HHAT: variants seen among roughly 807,000 people sequenced by gnomAD.
The protein encoded by HHAT is protein-cysteine N-palmitoyltransferase HHAT.
A neutral mutation model predicts 70.8 loss-of-function variants in HHAT; 47 were observed. The ratio of observed to expected loss-of-function variants is 0.66; its 90% CI spans 0.53 to 0.85. The LOEUF is 0.85. Ranked by LOEUF, HHAT falls within the 40% of genes least tolerant of loss-of-function variation. The probability of loss-of-function intolerance (pLI) is 0.00; values close to 1 mark genes in which losing one functional copy is unlikely to be tolerated. For synonymous variants in HHAT, 228 were observed against 247.6 expected (o/e 0.92, Z 0.74); for missense variants, 609 against 604.8 (o/e 1.01, Z -0.07).
intron 9 of HHAT, among the ~76,000 whole-genome samples, chr1:210,573,964 A>T (rs1358008502): frequency 1.3e-5 from 2 of 152,234 alleles, no homozygotes; most frequent in African/African-American, 4.8e-5. Flanking sequence ...GAAATTCGCC[A>T]GGATTTATTG....
chr1:210,340,295 G>A (rs2085928224), intron 1 of HHAT, among the ~76,000 whole-genome samples: 1 of 142,990 alleles, frequency 7.0e-6, no homozygotes, highest in South Asian at 2.4e-4. Flanking sequence ...GGAGAGAATT[G>A]TGATATGGGA....
intron 3 of HHAT, among the ~76,000 whole-genome samples, chr1:210,379,528 G>A (rs546289678): frequency 5.3e-5 from 8 of 152,160 alleles, no homozygotes; most frequent in Non-Finnish European, 7.3e-5. Context: ...TTTGTTAACC[G>A]TGGGCTCACT....
chr1:210,419,441 A>G (rs2092826630), intron 7 of HHAT, among the ~76,000 whole-genome samples: 1 of 152,038 alleles, frequency 6.6e-6, no homozygotes, highest in South Asian at 2.1e-4. Context: ...TCTGAATAAA[A>G]TCTCTTCACT....
intron 7 of HHAT, among the ~76,000 whole-genome samples, chr1:210,432,775 C>A (rs1457743309): frequency 6.6e-6 from 1 of 151,738 alleles, no homozygotes; most frequent in Non-Finnish European, 1.5e-5. Context: ...CCCTTTCTTT[C>A]CAGCACATGG....
intron 9 of HHAT, among the ~76,000 whole-genome samples, chr1:210,564,320 A>T (rs1208146643): frequency 1.3e-5 from 2 of 152,160 alleles, no homozygotes; most frequent in Non-Finnish European, 2.9e-5. Context: ...AGAAGTTAAG[A>T]GACAGAACCA....
intron 9 of HHAT, among the ~76,000 whole-genome samples, chr1:210,561,337 A>T (rs1436570539): frequency 1.3e-5 from 2 of 152,244 alleles, no homozygotes; most frequent in African/African-American, 2.4e-5. Context: ...CATTTTGCAT[A>T]AATGTTGTAT....
chr1:210,624,182 CTGAGATAGGA>C (rs1339956548), intron 11 of HHAT, among the ~76,000 whole-genome samples: 1 of 152,062 alleles, frequency 6.6e-6, no homozygotes, highest in Non-Finnish European at 1.5e-5. Flanking sequence ...GAAGAAAGAC[CTGAGATAGGA>C]TGCTCAGCCT....
intron 5 of HHAT, among the ~76,000 whole-genome samples, chr1:210,402,346 T>C (rs2092118520): frequency 6.6e-6 from 1 of 152,228 alleles, no homozygotes; most frequent in Non-Finnish European, 1.5e-5. Context: ...TTCTCCTTCC[T>C]AGCCCGGTTC....
intron 7 of HHAT, among the ~76,000 whole-genome samples, chr1:210,422,167 A>G (rs767400465): frequency 1.3e-5 from 2 of 152,242 alleles, no homozygotes; most frequent in Admixed American, 6.5e-5. Context: ...ATAATTGTAC[A>G]TACTCATGGG....
rs543648313 is a variant in HHAT at position 210,418,265 on chromosome 1, T to G, written c.796T>G (p.Tyr266Asp). The G allele has an allele frequency of 3.1e-6, 5 of 1,613,590 alleles. No homozygotes were observed. The highest frequency in any genetic ancestry group is 3.3e-4 in the Middle Eastern group (2 of 6,084). Residue 266 changes from tyrosine to aspartate, a missense_variant, in exon 7 of 12, where the codon TAC becomes GAC. By Grantham distance (160) the Tyr-to-Asp change is radical. Coordinates refer to ENST00000261458, the MANE Select transcript of HHAT (RefSeq NM_018194.6). ...GGCCGAGCTGATGGCTCACCTGATG[T>G]ACATGCATGCCATCTACAGCAGCAT... ...WLAELMAHLM[Y>D]MHAIYSSIPL...
chr1:210,529,416 A>G (rs531858316), intron 9 of HHAT, among the ~76,000 whole-genome samples: 1 of 152,250 alleles, frequency 6.6e-6, no homozygotes, highest in South Asian at 2.1e-4. Flanking sequence ...GGGGATATCA[A>G]CGTGGTACTG....
At chr1:210,488,074 G>A (rs569763981) in intron 8 of HHAT, among the ~76,000 whole-genome samples, 1 of 152,240 alleles carries the variant, frequency 6.6e-6, no homozygotes, top group African/African-American at 2.4e-5. Flanking sequence ...CTGTTAATCT[G>A]TCTTATGTCA....
intron 8 of HHAT, among the ~76,000 whole-genome samples, chr1:210,507,528 T>G (rs553167884): frequency 6.6e-6 from 1 of 152,004 alleles, no homozygotes; most frequent in South Asian, 2.1e-4. Flanking sequence ...GCCTGGCTAA[T>G]TTTTGTATTT....
chr1:210,406,583 C>T (rs773007187), intron 6 of HHAT, among the ~76,000 whole-genome samples: 1 of 151,836 alleles, frequency 6.6e-6, no homozygotes, highest in African/African-American at 2.4e-5. Flanking sequence ...TAGTAGAGAC[C>T]GGGTTTTGCT....
intron 8 of HHAT, among the ~76,000 whole-genome samples, chr1:210,474,991 C>T (rs966326834): frequency 5.9e-5 from 9 of 151,568 alleles, no homozygotes; most frequent in African/African-American, 1.7e-4. Context: ...GTTGGGACTA[C>T]AGGTGTGGGC....
intron 10 of HHAT, among the ~76,000 whole-genome samples, chr1:210,607,317 C>G (rs1558262676): frequency 6.6e-6 from 1 of 151,986 alleles, no homozygotes; most frequent in South Asian, 2.1e-4. Context: ...GAATGTGTAT[C>G]CTTTTCAAAT....
At chr1:210,410,023 T>C (rs2092471987) in intron 6 of HHAT, among the ~76,000 whole-genome samples, 1 of 151,808 alleles carries the variant, frequency 6.6e-6, no homozygotes, top group African/African-American at 2.4e-5. Context: ...GTCTGTCTGT[T>C]CTTCCTGCTG....
At chr1:210,418,907 C>T (rs374921350) in intron 7 of HHAT, among the ~76,000 whole-genome samples, 1 of 152,068 alleles carries the variant, frequency 6.6e-6, no homozygotes, top group Admixed American at 6.6e-5. Context: ...GTGAGAGACA[C>T]CTGTAATCCC....
intron 9 of HHAT, among the ~76,000 whole-genome samples, chr1:210,576,622 A>C (rs1215128656): frequency 6.6e-6 from 1 of 152,182 alleles, no homozygotes; most frequent in East Asian, 1.9e-4. Flanking sequence ...CATATGTAAC[A>C]AACCTGCACG....
Sources: allele counts gnomAD v4.1 joint callset (sites outside exome capture counted in the v4.1 genomes callset), GRCh38; gene constraint gnomAD v4.1.1; transcripts MANE v1.5; gene names NCBI Gene and HGNC (gene_info 2026-07-23, HGNC 2026-07-21).